ITGA7: variants seen among roughly 807,000 people sequenced by gnomAD.
ITGA7 encodes the protein integrin subunit alpha 7.
A neutral mutation model predicts 131.6 loss-of-function variants in ITGA7; 84 were observed. That is an observed-to-expected ratio of 0.64 (90% CI 0.54 to 0.77). The LOEUF (loss-of-function observed/expected upper bound fraction) is 0.77, where lower values mean the gene tolerates loss of function less well. Ranked by LOEUF, ITGA7 falls within the 30% of genes least tolerant of loss-of-function variation. The pLI is 0.00. For synonymous variants in ITGA7, 548 were observed against 600.7 expected (o/e 0.91, Z 1.28); for missense variants, 1,399 against 1,482.9 (o/e 0.94, Z 0.93).
chr12:55,686,203 C>T (rs1450634202), intron 24 of ITGA7: 1 of 1,347,258 alleles, frequency 7.4e-7, no homozygotes, highest in East Asian at 4.6e-5. Flanking sequence ...AACAGTTACC[C>T]CACAGTCCCT....
intron 4 of ITGA7, 171 bp downstream of exon 4, chr12:55,700,728 C>T (rs1056315559): frequency 2.2e-5 from 19 of 850,742 alleles, no homozygotes; most frequent in Non-Finnish European, 2.6e-5. Context: ...GGAAAGGAGG[C>T]ACCCCCCATT....
At chr12:55,701,852 T>C (rs551280846) in intron 3 of ITGA7, among the ~76,000 whole-genome samples, 1 of 152,306 alleles carries the variant, frequency 6.6e-6, no homozygotes, top group South Asian at 2.1e-4. Flanking sequence ...AGAAGTCTTC[T>C]CTCTACTCCT....
intron 22 of ITGA7, among the ~76,000 whole-genome samples, chr12:55,688,552 C>T (rs111967798): frequency 1.3e-4 from 20 of 152,112 alleles, no homozygotes; most frequent in African/African-American, 4.6e-4. Context: ...TGGCAAAACC[C>T]CGTCTCTATG....
rs148170949 is a variant in ITGA7 at position 55,685,088 on chromosome 12, G to A, written c.3384C>T (p.Pro1128=). The part of the protein sequence containing the change: ...LAADGHPELG[P]DGHPGPGTA ...CGGTGCCTGGCCCTGGATGCCCATC[G>A]GGGCCCAGCTCGGGATGCCCGTCAG... Residue 1128 remains proline, a synonymous_variant, in exon 25 of 25, where the codon CCC becomes CCT. Transcript: ENST00000257879. The A allele has an allele frequency of 6.8e-3, 10,904 of 1,602,208 alleles. 53 individuals carry two copies. Among genetic ancestry groups the A allele is most frequent in the Non-Finnish European group, 8.2e-3 (9,670 of 1,175,846 alleles).
chr12:55,701,845 A>G (rs1042470114), intron 3 of ITGA7, among the ~76,000 whole-genome samples: 3 of 152,198 alleles, frequency 2.0e-5, no homozygotes, highest in Non-Finnish European at 2.9e-5. Flanking sequence ...CCTCTGCAGA[A>G]GTCTTCTCTC....
chr12:55,687,281 G>A (rs570671315), intron 24 of ITGA7, among the ~76,000 whole-genome samples: 13 of 144,352 alleles, frequency 9.0e-5, no homozygotes, highest in African/African-American at 1.6e-4. Context: ...GGGTTCAAGC[G>A]ATTCTCCTGT....
chr12:55,712,214 A>G (rs1876186933), upstream of ITGA7: 1 of 1,551,434 alleles, frequency 6.4e-7, no homozygotes, highest in Non-Finnish European at 8.7e-7. Context: ...TGACGATCCA[A>G]AAGAAACCCT....
intron 6 of ITGA7, 52 bp downstream of exon 6, chr12:55,698,658 G>A (rs1873212143): frequency 1.9e-6 from 3 of 1,611,554 alleles, no homozygotes; most frequent in African/African-American, 1.3e-5. Context: ...CAGCCAGACT[G>A]GGGCTACTAG....
chr12:55,691,148 A>T (rs1360056714), intron 21 of ITGA7, among the ~76,000 whole-genome samples: 1 of 151,810 alleles, frequency 6.6e-6, no homozygotes, highest in Non-Finnish European at 1.5e-5. Flanking sequence ...TAAAAAATAA[A>T]AAAATAAAAT....
intron 1 of ITGA7, among the ~76,000 whole-genome samples, chr12:55,705,239 C>T (rs559296518): frequency 6.6e-6 from 1 of 152,274 alleles, no homozygotes; most frequent in East Asian, 1.9e-4. Flanking sequence ...GGAACAAGAG[C>T]ACCCAGCAGC....
At chr12:55,715,272 T>C (rs1016549322), upstream of ITGA7, among the ~76,000 whole-genome samples, 1 of 152,198 alleles carries the variant, frequency 6.6e-6, no homozygotes, top group Non-Finnish European at 1.5e-5. Flanking sequence ...CTAGTTTTAC[T>C]AAAGAGAAAA....
rs938707558 is a variant in ITGA7, at chr12:55,690,106, C to A, written c.2845-1149G>T. Among the ~76,000 whole-genome samples, 31 of 152,168 alleles carry A rather than the reference C, an allele frequency of 2.0e-4. 1 individual carries two copies. Among genetic ancestry groups the A allele is most frequent in the African/African-American group, 6.3e-4 (26 of 41,530 alleles). On this transcript the variant is annotated intron_variant, in intron 21 of 24. Transcript: ENST00000257879. ...ACACCAAAAGCAATGGCAACAAAAG[C>A]CAAAATTGACAAATGGGATCTAATT...
intron 3 of ITGA7, among the ~76,000 whole-genome samples, chr12:55,702,036 A>G (rs1874142289): frequency 6.6e-6 from 1 of 152,132 alleles, no homozygotes; most frequent in Non-Finnish European, 1.5e-5. Flanking sequence ...TGGTTTTGAG[A>G]CGGAACTTTG....
Position 55,694,634 on chromosome 12 carries a change from G to C in ITGA7, c.2258C>G (p.Pro753Arg). ...GCCAACCTGGGCACCTCTCTTCATG[G>C]GGTTCCCCAGCTCACACTCAACATG... ...ASHVECELGN[P>R]MKRGAQVTFY... The change falls in exon 16 of 25, where the codon CCC (proline) becomes CGC (arginine). Residue 753 changes from proline (P) to arginine (R), a missense_variant. Physicochemically the swap from Pro to Arg is moderately radical, Grantham distance 103. Transcript: ENST00000257879. The surrounding 1 kb of genome is among the most constrained non-coding windows in gnomAD (Gnocchi z 5.3). The C allele has an allele frequency of 6.2e-7, 1 of 1,614,104 alleles. No individual in the cohort carries two copies.
intron 21 of ITGA7, 46 bp downstream of exon 21, chr12:55,692,798 G>T (rs148775515): frequency 1.9e-5 from 30 of 1,566,562 alleles, no homozygotes; most frequent in Non-Finnish European, 2.2e-5. Context: ...TCCTGGACAC[G>T]CAGCACCCCG....
Position 55,698,547 on chromosome 12 carries a change from T to C in ITGA7, c.1028A>G (p.Tyr343Cys), listed in dbSNP as rs759849076. 8 of 1,613,320 alleles carry C rather than the reference T, an allele frequency of 5.0e-6. No individual in the cohort carries two copies. The South Asian group carries it at 5.5e-5, about 11-fold the overall frequency. ...GWPDLIVGAP[Y>C]FFERQEELGG... ...CAGCTCTTCTTGGCGCTCAAAGAAG[T>C]AGGGGGCACCCACTATCAGGTCTGG... The change falls in exon 7 of 25, where the codon TAC becomes TGC. Residue 343 changes from tyrosine (Y) to cysteine (C), a missense_variant. Coordinates refer to ENST00000257879, the MANE Select transcript of ITGA7 (RefSeq NM_002206.3).
intron 24 of ITGA7, among the ~76,000 whole-genome samples, chr12:55,687,637 C>T (rs764000093): frequency 4.0e-5 from 6 of 151,830 alleles, no homozygotes; most frequent in Non-Finnish European, 7.4e-5. Flanking sequence ...TCTACAGGTG[C>T]GTGCCACCAC....
chr12:55,715,443 C>A (rs187421151), upstream of ITGA7, among the ~76,000 whole-genome samples: 1 of 152,206 alleles, frequency 6.6e-6, no homozygotes, highest in East Asian at 1.9e-4. Context: ...TTCACAGAGG[C>A]CTTATATAAA....
At chr12:55,705,698 C>T (rs111334456) in intron 1 of ITGA7, among the ~76,000 whole-genome samples, 2,388 of 152,374 alleles carry the variant, frequency 0.016, 58 homozygotes, top group African/African-American at 0.055. Context: ...GCGGGCTATG[C>T]ACTATTCTAA....
Sources: allele counts gnomAD v4.1 joint callset (sites outside exome capture counted in the v4.1 genomes callset), GRCh38; gene constraint gnomAD v4.1.1; non-coding constraint Gnocchi (gnomAD v3.1); transcripts MANE v1.5; gene names NCBI Gene and HGNC (gene_info 2026-07-23, HGNC 2026-07-21).